Variants in CATSPERD observed in about 807,000 individuals in gnomAD.
CATSPERD encodes catsper channel auxiliary subunit delta.
CATSPERD carries 86 observed loss-of-function variants against 98.1 expected under a neutral mutation model. That is an observed-to-expected ratio of 0.88 (90% confidence interval 0.74 to 1.05). The LOEUF is 1.05. CATSPERD is among the 50% of genes least tolerant of loss of function. The pLI is 0.00. For missense variants in CATSPERD, 995 were observed against 1,005.7 expected (o/e 0.99, Z 0.14); for synonymous variants, 394 against 390.2 (o/e 1.01, Z -0.12).
intron 15 of CATSPERD, among the ~76,000 whole-genome samples, chr19:5,760,428 C>T (rs938572695): frequency 2.7e-5 from 4 of 150,934 alleles, no homozygotes; most frequent in African/African-American, 7.3e-5. Flanking sequence ...GGAATCCTGA[C>T]GCAAGATACA....
intron 2 of CATSPERD, among the ~76,000 whole-genome samples, chr19:5,726,923 G>T (rs1204460937): frequency 1.3e-5 from 2 of 152,132 alleles, no homozygotes; most frequent in Admixed American, 1.3e-4. Context: ...GCCGGACGTG[G>T]TGGCTCACGC....
Position 5,772,907 on chromosome 19 carries a change from C to G in CATSPERD, c.1883C>G (p.Pro628Arg), listed in dbSNP as rs778837999. The G allele has an allele frequency of 2.0e-5, 33 of 1,613,980 alleles. No individual in the cohort carries two copies. Among genetic ancestry groups the G allele is most frequent in the Non-Finnish European group, 2.6e-5 (31 of 1,180,024 alleles). Residue 628 changes from proline (P) to arginine (R), a missense_variant, in exon 20 of 22, where the codon CCG becomes CGG. Transcript: ENST00000381624. ...CAGTCGGCCATGTGTACCTCCCAGCCGCAGAACTGGACCACCATGATAAAG... is the reference window on the plus strand; with the variant it reads ...CAGTCGGCCATGTGTACCTCCCAGCGGCAGAACTGGACCACCATGATAAAG... ...TAQSAMCTSQPQNWTTMIKEF... is the reference protein window; with the variant it reads ...TAQSAMCTSQRQNWTTMIKEF...
At chr19:5,730,854 A>T (rs949545621) in intron 4 of CATSPERD, among the ~76,000 whole-genome samples, 7 of 152,042 alleles carry the variant, frequency 4.6e-5, no homozygotes, top group African/African-American at 1.7e-4. Context: ...CAAAAAAATT[A>T]GCTGGGCGTG....
intron 19 of CATSPERD, among the ~76,000 whole-genome samples, chr19:5,771,720 G>A (rs999146366): frequency 6.0e-5 from 9 of 150,654 alleles, no homozygotes. Context: ...ACAGGCGCGT[G>A]CCACCATGCC....
Position 5,754,251 on chromosome 19 carries a change from T to C in CATSPERD, c.1278+6T>C. The C allele has an allele frequency of 1.3e-6, 2 of 1,594,674 alleles. No individual in the cohort carries two copies. The highest frequency in any genetic ancestry group is 1.1e-5 in the South Asian group (1 of 90,634). ...GCACATCCCTGATTCCTCTGGTAAG[T>C]ACATCTTAATGTTTCTGCTATCTGG... On this transcript the variant is annotated splice_donor_region_variant and intron_variant, in intron 13 of 21. Coordinates refer to ENST00000381624, the MANE Select transcript of CATSPERD (RefSeq NM_152784.4).
Position 5,720,805 on chromosome 19 carries a change from G to C in CATSPERD, c.68G>C (p.Cys23Ser), listed in dbSNP as rs2145651108. The C allele has an allele frequency of 1.3e-6, 2 of 1,599,310 alleles. No homozygotes were observed. The highest frequency in any genetic ancestry group is 1.7e-6 in the Non-Finnish European group (2 of 1,178,728). Residue 23 changes from cysteine (C) to serine (S), a missense_variant, in exon 1 of 22, where the codon TGT becomes TCT. Physicochemically the swap from Cys to Ser is moderately radical, Grantham distance 112 (BLOSUM62 -1). This residue lies in a region of CATSPERD where 228 missense variants were observed against 209.6 expected (regional missense o/e 1.09). Transcript: ENST00000381624. ...WLRPLVTAQL[C>S]RSRTVRTGKV... ...CGACCGCTGGTCACAGCTCAGCTCT[G>C]TCGGTGGGGCTGCCAGGACTCCTGG...
intron 13 of CATSPERD, 60 bp from the exon 14 acceptor site, chr19:5,757,783 T>C: frequency 2.3e-6 from 3 of 1,330,162 alleles, no homozygotes; most frequent in South Asian, 1.2e-5. Flanking sequence ...CTGTGGGGGT[T>C]TGTCACCCCG....
Position 5,751,778 on chromosome 19 carries a change from C to A in CATSPERD, c.1119C>A (p.Ile373=), listed in dbSNP as rs1171402496. Residue 373 remains isoleucine (I), a synonymous_variant, in exon 12 of 22, where the codon ATC becomes ATA. Transcript: ENST00000381624. ...AFDFQKCLVN[I]QALLMDPELH... ...ATTTCCAGAAGTGCCTCGTGAATATCCAGGCGCTTCTCATGGACCCTGAAC... is the reference window on the plus strand; with the variant it reads ...ATTTCCAGAAGTGCCTCGTGAATATACAGGCGCTTCTCATGGACCCTGAAC... 1.2e-6 allele frequency: 2 copies of A among 1,613,664 alleles called. No homozygotes were observed. Among genetic ancestry groups the A allele is most frequent in the East Asian group, 2.2e-5 (1 of 44,866 alleles).
Position 5,748,210 on chromosome 19 carries a change from T to G in CATSPERD, c.859T>G (p.Ser287Ala). Residue 287 changes from serine (S) to alanine (A), a missense_variant, in exon 10 of 22, where the codon TCT becomes GCT. Ser to Ala is a moderately conservative substitution (Grantham distance 99). Around this residue, in one of 3 missense-constraint regions of CATSPERD, gnomAD observed 762 missense variants for 773.7 expected, o/e 0.98. Transcript: ENST00000381624. ...GAAAAAAGGAGACCAGACCTTGTTT[T>G]CTTCCATTTTTGAAGCCAAGATCAC... is the stretch of plus-strand genomic sequence containing the variant. ...RVKKGDQTLFSSIFEAKITIH... is the reference protein window; with the variant it reads ...RVKKGDQTLFASIFEAKITIH... 1 of 1,614,026 alleles carries G rather than the reference T, an allele frequency of 6.2e-7. No homozygotes were observed. Among genetic ancestry groups the G allele is most frequent in the Non-Finnish European group, 8.5e-7 (1 of 1,179,996 alleles).
intron 6 of CATSPERD, among the ~76,000 whole-genome samples, chr19:5,738,054 G>A (rs1286520234): frequency 6.6e-6 from 1 of 152,034 alleles, no homozygotes; most frequent in East Asian, 1.9e-4. Context: ...GTATAGGTTA[G>A]AGGTACCACC....
intron 6 of CATSPERD, among the ~76,000 whole-genome samples, chr19:5,737,546 C>CACAA (rs2055872524): frequency 1.4e-5 from 1 of 69,424 alleles, no homozygotes; most frequent in Non-Finnish European, 2.7e-5. Context: ...AAGACTCTGT[C>CACAA]AAAAAAAAAA....
chr19:5,751,197 C>CAAAAAAAAAA (rs556079596), intron 11 of CATSPERD, among the ~76,000 whole-genome samples: 16 of 46,600 alleles, frequency 3.4e-4, no homozygotes, highest in Non-Finnish European at 5.0e-4. Context: ...GATTCCGTCT[C>CAAAAAAAAAA]AAAAAAAAAA....
chr19:5,749,976 G>A lies in CATSPERD; in HGVS notation c.987+793G>A, dbSNP rs539886993. On this transcript the variant is annotated intron_variant, in intron 11 of 21. Transcript: ENST00000381624. ...ATGCCACCACACCAGGCTAAGTTTT[G>A]TAATTTTAGTGGAGTCAGGGTTTCA... Among the ~76,000 whole-genome samples, 7 of 150,944 alleles carry A rather than the reference G, an allele frequency of 4.6e-5. No individual in the cohort carries two copies. In the East Asian group the frequency reaches 1.2e-3, roughly 26 times the overall value.
intron 19 of CATSPERD, among the ~76,000 whole-genome samples, 183 bp downstream of exon 19, chr19:5,771,255 T>G (rs2056639151): frequency 6.6e-6 from 1 of 152,148 alleles, no homozygotes; most frequent in Non-Finnish European, 1.5e-5. Flanking sequence ...CTGGAACACC[T>G]TTTCTTTTTT....
At chr19:5,772,353 G>A (rs1201382233) in intron 19 of CATSPERD, 3 of 243,684 alleles carry the variant, frequency 1.2e-5, no homozygotes, top group South Asian at 3.6e-5. Flanking sequence ...TCAGCCTCCC[G>A]AGTAGCTGGG....
At chr19:5,750,248 A>G (rs1312648094) in intron 11 of CATSPERD, among the ~76,000 whole-genome samples, 5 of 149,160 alleles carry the variant, frequency 3.4e-5, no homozygotes, top group East Asian at 2.0e-4. Context: ...GGAGATCGTG[A>G]CCATCCTGGC....
At position 5,778,474 on chromosome 19, in the gene CATSPERD, G is replaced by C; in HGVS notation, c.2195G>C (p.Ser732Thr). Residue 732 changes from serine (S) to threonine (T), a missense_variant, in exon 22 of 22, where the codon AGC becomes ACC. Coordinates refer to ENST00000381624, the MANE Select transcript of CATSPERD (RefSeq NM_152784.4). ...GTCGTCATCCTACTGATCATCTCCA[G>C]CATCCTGGGGTCCGTTTGGCTGGCC... is the stretch of plus-strand genomic sequence containing the variant. ...AGVVILLIIS[S>T]ILGSVWLAYK... is the part of the protein sequence containing the mutation. The C allele has an allele frequency of 6.2e-7, 1 of 1,614,024 alleles. No individual in the cohort carries two copies. The highest frequency in any genetic ancestry group is 8.5e-7 in the Non-Finnish European group (1 of 1,180,036).
At chr19:5,734,241 G>A (rs185275223) in intron 5 of CATSPERD, among the ~76,000 whole-genome samples, 1 of 152,332 alleles carries the variant, frequency 6.6e-6, no homozygotes, top group Admixed American at 6.5e-5. Flanking sequence ...GCTGGCTCAC[G>A]CCTGTGATCC....
chr19:5,732,431 T>C (rs1048299840), intron 4 of CATSPERD, among the ~76,000 whole-genome samples: 1 of 148,644 alleles, frequency 6.7e-6, no homozygotes, highest in Non-Finnish European at 1.5e-5. Flanking sequence ...GTTTTTTGTT[T>C]GTTTGTTTTT....
Sources: gnomAD v4.1 joint callset for allele counts (sites outside exome capture counted in the v4.1 genomes callset) on GRCh38, gnomAD v4.1.1 for gene constraint, gnomAD v4.1.1 regional missense constraint, MANE v1.5 for transcripts, NCBI Gene and HGNC (gene_info 2026-07-23, HGNC 2026-07-21) for gene names.